Variants in DDX60 observed in about 807,000 individuals in gnomAD.
DDX60 encodes probable ATP-dependent RNA helicase DDX60.
Under a neutral mutation model 212.8 loss-of-function variants are expected in DDX60, and 165 were observed. That is an observed-to-expected ratio of 0.78 (90% CI 0.68 to 0.88). DDX60 has a LOEUF of 0.88. Among genes scored for constraint, DDX60 ranks in the 40% least tolerant of loss-of-function variants. The probability of loss-of-function intolerance (pLI) is 0.00; values close to 1 mark genes in which losing one functional copy is unlikely to be tolerated. For missense variants in DDX60, 1,905 were observed against 2,003.9 expected (o/e 0.95, Z 0.94); for synonymous variants, 703 against 685.3 (o/e 1.03, Z -0.40).
In DDX60 at chr4:168,283,465, G is replaced by A. The variant is rs781469463; in HGVS notation, c.1703C>T (p.Pro568Leu). 2 of 1,612,414 alleles carry A rather than the reference G, an allele frequency of 1.2e-6. No homozygotes were observed. The highest frequency in any genetic ancestry group is 1.7e-6 in the Non-Finnish European group (2 of 1,179,384). ...TIKSKKDFSGPKSKKAHETKA... is the reference protein window; with the variant it reads ...TIKSKKDFSGLKSKKAHETKA... ...ACCTACGTGTGCCTTTTTGCTCTTGGGCCCACTAAAATCCTTCTTTGACTT... is the reference window on the plus strand; with the variant it reads ...ACCTACGTGTGCCTTTTTGCTCTTGAGCCCACTAAAATCCTTCTTTGACTT... Residue 568 changes from proline to leucine, a missense_variant, in exon 13 of 38, where the codon CCC becomes CTC. Coordinates refer to ENST00000393743, the MANE Select transcript of DDX60 (RefSeq NM_017631.6).
chr4:168,275,936 G>T, intron 15 of DDX60, 79 bp downstream of exon 15: 7 of 1,234,232 alleles, frequency 5.7e-6, no homozygotes, highest in Non-Finnish European at 7.6e-6. Context: ...AAATCTGGAA[G>T]AGATGACTAT....
chr4:168,290,739 C>T (rs1020368750), intron 8 of DDX60, among the ~76,000 whole-genome samples: 11 of 152,216 alleles, frequency 7.2e-5, no homozygotes, highest in East Asian at 1.9e-4. Flanking sequence ...TCTATGATTC[C>T]GTCTTCATAA....
intron 26 of DDX60, among the ~76,000 whole-genome samples, chr4:168,254,690 A>G (rs1291900477): frequency 1.3e-5 from 2 of 152,218 alleles, no homozygotes; most frequent in Non-Finnish European, 2.9e-5. Context: ...TTGAAAGTGT[A>G]GAAGAACATA....
chr4:168,232,106 C>T (rs1560814905), intron 33 of DDX60, among the ~76,000 whole-genome samples: 1 of 151,966 alleles, frequency 6.6e-6, no homozygotes, highest in Non-Finnish European at 1.5e-5. Context: ...AACTCAGCCC[C>T]TTTTACAATA....
At chr4:168,250,354 CAGCA>C (rs1204107122) in intron 28 of DDX60, among the ~76,000 whole-genome samples, 8 of 152,008 alleles carry the variant, frequency 5.3e-5, no homozygotes, top group African/African-American at 1.9e-4. Flanking sequence ...CCAGCCTGAC[CAGCA>C]TGGAGAAACC....
chr4:168,314,261 T>C (rs1161917921), intron 1 of DDX60, among the ~76,000 whole-genome samples: 1 of 152,038 alleles, frequency 6.6e-6, no homozygotes, highest in Non-Finnish European at 1.5e-5. Flanking sequence ...CACTTCTCTG[T>C]CATTTAAGGG....
rs529190635 is a variant in DDX60, at chr4:168,260,338, C to G, written c.3398+527G>C. Among the ~76,000 whole-genome samples, 10 of 152,260 alleles carry G rather than the reference C, an allele frequency of 6.6e-5. No individual in the cohort carries two copies. In the South Asian group the frequency reaches 2.1e-3, roughly 32 times the overall value. On this transcript the variant is annotated intron_variant, in intron 25 of 37. Transcript: ENST00000393743. ...GTCCAAGTGTTCTCATTGTTCAATT[C>G]CCACCTATGAGTGAGAACATGCGGT...
At position 168,272,186 on chromosome 4, in the gene DDX60, G is replaced by T. The variant is rs770935230; in HGVS notation, c.2575-48C>A. 6 of 1,421,616 alleles carry T rather than the reference G, an allele frequency of 4.2e-6. No individual in the cohort carries two copies. In the South Asian group the frequency reaches 7.4e-5, roughly 17 times the overall value. The allele number at this position is 1,421,616 out of a possible 1,614,324, so 88.1% of individuals were successfully genotyped here. A position where few individuals can be genotyped will look rare whatever the true frequency, so the allele number is the denominator to read the frequency against. ...AAGTAACATTTTGAGCACTTACTAT[G>T]TGTTGACATATTTACAGGAATATGT... is the stretch of plus-strand genomic sequence containing the variant. On this transcript the variant is annotated intron_variant, in intron 18 of 37. Transcript: ENST00000393743.
At chr4:168,247,947 G>A (rs1734079940) in intron 29 of DDX60, among the ~76,000 whole-genome samples, 1 of 152,280 alleles carries the variant, frequency 6.6e-6, no homozygotes, top group Admixed American at 6.5e-5. Context: ...TTTGGAGATA[G>A]AAAATGAGAA....
At chr4:168,254,503 A>G (rs906320538) in intron 26 of DDX60, among the ~76,000 whole-genome samples, 2 of 152,210 alleles carry the variant, frequency 1.3e-5, no homozygotes, top group African/African-American at 2.4e-5. Flanking sequence ...ACTTGGAGAG[A>G]AATATCTTTC....
chr4:168,285,916 GAA>G (rs1560858835), intron 10 of DDX60, among the ~76,000 whole-genome samples: 37 of 54,936 alleles, frequency 6.7e-4, no homozygotes, highest in African/African-American at 3.8e-3. Context: ...AGGAAGGAAG[GAA>G]GGAAGGAAGG....
chr4:168,286,451 T>C (rs901442806), intron 10 of DDX60, among the ~76,000 whole-genome samples: 17 of 128,786 alleles, frequency 1.3e-4, no homozygotes, highest in Admixed American at 3.1e-4. Flanking sequence ...GATAGATAGA[T>C]AGATATTACA....
chr4:168,293,130 C>T (rs993859563), intron 7 of DDX60, among the ~76,000 whole-genome samples: 2 of 152,036 alleles, frequency 1.3e-5, no homozygotes, highest in Non-Finnish European at 2.9e-5. Context: ...AACACGCACA[C>T]CCATAAGCAC....
At chr4:168,297,402 A>AAGACAGAC (rs1400098766) in intron 6 of DDX60, among the ~76,000 whole-genome samples, 1 of 146,998 alleles carries the variant, frequency 6.8e-6, no homozygotes, top group African/African-American at 2.6e-5. Flanking sequence ...GAAAGAAAGA[A>AAGACAGAC]AGACAATAAA....
chr4:168,253,073 G>A (rs1418178889), intron 26 of DDX60, among the ~76,000 whole-genome samples: 1 of 152,162 alleles, frequency 6.6e-6, no homozygotes, highest in Non-Finnish European at 1.5e-5. Flanking sequence ...AAAGTGCTGG[G>A]ATTACAGGCA....
intron 1 of DDX60, 140 bp from the exon 2 acceptor site, chr4:168,311,505 G>T (rs1737132833): frequency 2.2e-6 from 1 of 460,748 alleles, no homozygotes; most frequent in East Asian, 3.3e-5. Flanking sequence ...AGAGCTTAAA[G>T]ATAATTATTA....
chr4:168,218,604 A>G (rs1732935238), intron 37 of DDX60, among the ~76,000 whole-genome samples: 1 of 152,120 alleles, frequency 6.6e-6, no homozygotes, highest in Non-Finnish European at 1.5e-5. Context: ...TGCTCAAAAG[A>G]TGAAGCCCAA....
At chr4:168,281,874 C>T (rs1264044633) in intron 13 of DDX60, among the ~76,000 whole-genome samples, 1 of 152,112 alleles carries the variant, frequency 6.6e-6, no homozygotes, top group Admixed American at 6.6e-5. Context: ...CTGTGTTGGG[C>T]CAATTTAGCA....
intron 35 of DDX60, among the ~76,000 whole-genome samples, chr4:168,222,922 T>C (rs1239937768): frequency 1.3e-5 from 2 of 151,954 alleles, no homozygotes; most frequent in Non-Finnish European, 2.9e-5. Flanking sequence ...CTACAAAATA[T>C]TATTAAGTAC....
Sources: gnomAD v4.1 joint callset for allele counts (sites outside exome capture counted in the v4.1 genomes callset) on GRCh38, gnomAD v4.1.1 for gene constraint, MANE v1.5 for transcripts, NCBI Gene and HGNC (gene_info 2026-07-23, HGNC 2026-07-21) for gene names.